Variants in TSNARE1 observed in about 807,000 individuals in gnomAD.
TSNARE1 encodes the protein t-SNARE domain containing 1.
In TSNARE1, 49 loss-of-function variants were observed where a neutral mutation model predicts 62.0. The observed-to-expected ratio is 0.79, with a 90% confidence interval of 0.63 to 1.00. The LOEUF is 1.00. Among genes scored for constraint, TSNARE1 ranks in the 50% least tolerant of loss-of-function variants. The pLI, the probability that TSNARE1 is intolerant of heterozygous loss-of-function variation, is 0.00. For missense variants in TSNARE1, 755 were observed against 700.1 expected (o/e 1.08, Z -0.88); for synonymous variants, 328 against 294.4 (o/e 1.11, Z -1.17).
At position 142,254,048 on chromosome 8, in the gene TSNARE1, G is replaced by A. The variant is rs570300107; in HGVS notation, c.1446+20733C>T. Among the ~76,000 whole-genome samples the A allele has an allele frequency of 7.2e-5, 11 of 152,372 alleles. No homozygotes were observed. The East Asian group carries it at 1.3e-3, about 19-fold the overall frequency. On this transcript the variant is annotated intron_variant, in intron 12 of 13. Transcript: ENST00000524325. The stretch of plus-strand genomic sequence containing the variant: ...CACGCAGAGATATTCTTGGCTTTTC[G>A]TTTAGAGAGCAATAAAATGCTCTGT...
At chr8:142,229,607 T>A (rs1817007839) in intron 12 of TSNARE1, 28 bp from the exon 13 acceptor site, 2 of 1,606,176 alleles carry the variant, frequency 1.2e-6, no homozygotes, top group Admixed American at 1.7e-5. Context: ...GTTGTTTCCA[T>A]ATCCTGGTCC....
At chr8:142,289,830 T>C (rs1586582549) in intron 10 of TSNARE1, among the ~76,000 whole-genome samples, 1 of 152,312 alleles carries the variant, frequency 6.6e-6, no homozygotes, top group East Asian at 1.9e-4. Context: ...ACTAAAGAGC[T>C]GAACATACCC....
intron 13 of TSNARE1, among the ~76,000 whole-genome samples, chr8:142,228,567 T>C (rs1586789974): frequency 6.6e-6 from 1 of 152,252 alleles, no homozygotes; most frequent in African/African-American, 2.4e-5. Context: ...CACTGACTGC[T>C]AGCCCCAGAG....
intron 12 of TSNARE1, chr8:142,270,538 A>G (rs1819438627): frequency 2.0e-6 from 2 of 984,544 alleles, no homozygotes; most frequent in Non-Finnish European, 2.4e-6. Flanking sequence ...GATAGAAATT[A>G]TTCCAGGCAT....
At chr8:142,240,827 C>A (rs1242448745) in intron 12 of TSNARE1, among the ~76,000 whole-genome samples, 1 of 152,078 alleles carries the variant, frequency 6.6e-6, no homozygotes, top group Non-Finnish European at 1.5e-5. Context: ...ACACAGGATG[C>A]AGTATAAACA....
chr8:142,278,488 G>T (rs1444148889), intron 11 of TSNARE1: 9 of 985,356 alleles, frequency 9.1e-6, no homozygotes, highest in Non-Finnish European at 1.1e-5. Flanking sequence ...GTCCAGCGGG[G>T]CTCTGCTTCG....
chr8:142,333,317 G>A (rs1458596275), intron 4 of TSNARE1, among the ~76,000 whole-genome samples: 1 of 152,242 alleles, frequency 6.6e-6, no homozygotes, highest in Non-Finnish European at 1.5e-5. Context: ...AGGCACTAAA[G>A]GTCGATTAAA....
intron 11 of TSNARE1, among the ~76,000 whole-genome samples, chr8:142,283,034 T>C (rs376392756): frequency 6.9e-6 from 1 of 144,988 alleles, no homozygotes. Flanking sequence ...TGTCTGCCAA[T>C]GAGCAGAGGC....
chr8:142,270,299 G>C (rs919844689), intron 12 of TSNARE1: 2 of 985,304 alleles, frequency 2.0e-6, no homozygotes, highest in Non-Finnish European at 1.2e-6. Context: ...CCCCCGCAGG[G>C]AGGCTGAAAG....
At chr8:142,403,869 G>A (rs1838487843), upstream of TSNARE1, 1 of 152,352 alleles carries the variant, frequency 6.6e-6, no homozygotes, top group South Asian at 2.1e-4. Flanking sequence ...CTCTGCCTGC[G>A]GGCACTGAGC....
upstream of TSNARE1, chr8:142,403,949 A>C (rs1838495240): frequency 6.6e-6 from 1 of 152,252 alleles, no homozygotes; most frequent in Admixed American, 6.5e-5. Flanking sequence ...GAACCTGCGG[A>C]CAATGGGTGT....
intron 6 of TSNARE1, among the ~76,000 whole-genome samples, chr8:142,322,364 C>T (rs1159756703): frequency 6.6e-6 from 1 of 152,162 alleles, no homozygotes; most frequent in Non-Finnish European, 1.5e-5. Flanking sequence ...AGATGGGGAA[C>T]AAGGCAGGTA....
rs536270402 is a variant in TSNARE1 at position 142,343,893 on chromosome 8, T to A, written c.745+73A>T. On this transcript the variant is annotated intron_variant, in intron 4 of 13. Transcript: ENST00000524325. ...CTGTGGAGGAAGATGCAGGGCAACA[T>A]GGCCAAGATGGGCCCCCCCCTCCTG... is the stretch of plus-strand genomic sequence containing the variant. The A allele has an allele frequency of 5.9e-4, 818 of 1,386,930 alleles. 6 individuals are homozygous for A. The African/African-American group carries it at 0.011, about 19-fold the overall frequency. The allele number at this position is 1,386,930 out of a possible 1,614,324, so 85.9% of individuals were successfully genotyped here.
chr8:142,392,565 A>C (rs931713157), intron 1 of TSNARE1, among the ~76,000 whole-genome samples: 1 of 152,158 alleles, frequency 6.6e-6, no homozygotes, highest in African/African-American at 2.4e-5. Context: ...GCGCCAGTAT[A>C]ATCTTACAGG....
At chr8:142,267,953 C>G (rs1197149724) in intron 12 of TSNARE1, among the ~76,000 whole-genome samples, 1 of 152,242 alleles carries the variant, frequency 6.6e-6, no homozygotes, top group Admixed American at 6.5e-5. Flanking sequence ...AGCTCTGATC[C>G]TGACAGGTTC....
At chr8:142,271,271 C>G (rs1473214146) in intron 12 of TSNARE1, 2 of 1,047,558 alleles carry the variant, frequency 1.9e-6, no homozygotes. Context: ...CTCGAGGGTC[C>G]GGTTGAGGGC....
At chr8:142,322,751 C>A (rs930209305) in intron 6 of TSNARE1, among the ~76,000 whole-genome samples, 14 of 151,998 alleles carry the variant, frequency 9.2e-5, no homozygotes, top group African/African-American at 3.4e-4. Context: ...TTATGAAAGG[C>A]TGGCCTGGCT....
At chr8:142,289,365 G>A (rs1022594634) in intron 10 of TSNARE1, among the ~76,000 whole-genome samples, 5 of 152,166 alleles carry the variant, frequency 3.3e-5, no homozygotes, top group African/African-American at 1.2e-4. Flanking sequence ...GTATAGAAGG[G>A]AAAGGACGCT....
intron 10 of TSNARE1, among the ~76,000 whole-genome samples, chr8:142,287,204 C>T (rs1822907505): frequency 6.8e-6 from 1 of 146,516 alleles, no homozygotes; most frequent in Non-Finnish European, 1.5e-5. Context: ...CCGGCCAGAT[C>T]TCAGGGACAG....
Sources: gnomAD v4.1 joint callset for allele counts (sites outside exome capture counted in the v4.1 genomes callset) on GRCh38, gnomAD v4.1.1 for gene constraint, MANE v1.5 for transcripts, NCBI Gene and HGNC (gene_info 2026-07-23, HGNC 2026-07-21) for gene names.